Variants in BCHE observed in about 807,000 individuals in gnomAD.
BCHE encodes butyrylcholinesterase, also known as cholinesterase.
In BCHE, 48 loss-of-function variants were observed where a neutral mutation model predicts 51.3. The observed-to-expected ratio is 0.94, with a 90% CI of 0.74 to 1.19. BCHE has a LOEUF of 1.19. Ranked by LOEUF, BCHE falls within the 50% of genes most tolerant of loss-of-function variation. The pLI is 0.00. For synonymous variants in BCHE, 251 were observed against 238.0 expected, an observed-to-expected ratio of 1.05 and a Z score of -0.50; for missense variants, 847 against 708.2, an observed-to-expected ratio of 1.20 and a Z score of -2.23.
intron 2 of BCHE, among the ~76,000 whole-genome samples, chr3:165,827,483 G>A (rs1374078483): frequency 6.6e-6 from 1 of 151,462 alleles, no homozygotes; most frequent in Non-Finnish European, 1.5e-5. Context: ...ATCCTATTAA[G>A]TGTCAAAGAT....
chr3:165,829,979 T>A lies in BCHE; in HGVS notation c.1055A>T (p.Asp352Val). The A allele has an allele frequency of 6.2e-7, 1 of 1,613,834 alleles. No homozygotes were observed. The highest frequency in any genetic ancestry group is 8.5e-7 in the Non-Finnish European group (1 of 1,179,882). The change falls in exon 2 of 4, where the codon GAT becomes GTT. Residue 352 changes from aspartate to valine, a missense_variant. Coordinates refer to ENST00000264381, the MANE Select transcript of BCHE (RefSeq NM_000055.4). ...KTQILVGVNK[D>V]EGTAFLVYGA... ...ATAGACTAAAAAAGCTGTCCCTTCA[T>A]CTTTATTAACACCCACCAAAATCTG... is the stretch of plus-strand genomic sequence containing the variant.
intron 3 of BCHE, among the ~76,000 whole-genome samples, chr3:165,776,924 C>T (rs1440101828): frequency 6.6e-6 from 1 of 151,510 alleles, no homozygotes; most frequent in East Asian, 1.9e-4. Context: ...TATCCATTGA[C>T]CTCAGCTGAT....
intron 3 of BCHE, among the ~76,000 whole-genome samples, chr3:165,782,388 T>C (rs1207840316): frequency 6.6e-6 from 1 of 152,110 alleles, no homozygotes; most frequent in African/African-American, 2.4e-5. Flanking sequence ...GAGAAGGGAA[T>C]AGTCGTGGAA....
intron 2 of BCHE, among the ~76,000 whole-genome samples, chr3:165,802,483 A>G (rs1422798325): frequency 6.6e-6 from 1 of 152,158 alleles, no homozygotes; most frequent in African/African-American, 2.4e-5. Flanking sequence ...CTATTGTAGT[A>G]AACCAGAAAA....
At chr3:165,810,137 G>T (rs1257177575) in intron 2 of BCHE, among the ~76,000 whole-genome samples, 1 of 152,154 alleles carries the variant, frequency 6.6e-6, no homozygotes. Flanking sequence ...TGTAGACAAA[G>T]TAGTATGTTT....
rs751760682 is a variant in BCHE at position 165,804,162 on chromosome 3, A to G, written c.1518-17851T>C. ...CACATCAAATACTGATGATTCAGAA[A>G]TAATTAAGTGACTTCGCAACATGGA... On this transcript the variant is annotated intron_variant, in intron 2 of 3. Coordinates refer to ENST00000264381, the MANE Select transcript of BCHE (RefSeq NM_000055.4). Among the ~76,000 whole-genome samples, 42 of 152,178 alleles carry G rather than the reference A, an allele frequency of 2.8e-4. 1 individual carries two copies. The highest frequency in any genetic ancestry group is 1.9e-4 in the Non-Finnish European group (13 of 68,026).
At chr3:165,814,964 TATA>T (rs1417362176) in intron 2 of BCHE, among the ~76,000 whole-genome samples, 3 of 148,652 alleles carry the variant, frequency 2.0e-5, no homozygotes, top group South Asian at 2.1e-4. Context: ...ATTTTATATC[TATA>T]ATATTAGTGT....
rs568724445 is a variant in BCHE, at chr3:165,830,419, C to A, written c.615G>T (p.Trp205Cys). The A allele has an allele frequency of 3.9e-5, 63 of 1,613,750 alleles. No individual in the cohort carries two copies. In the African/African-American group the frequency reaches 7.5e-4, roughly 19 times the overall value. ...CAAAGGCTGCTATATTTTTTTGAAC[C>A]CACTGAAGAGCCAACTGTTGATCAA... ...GLFDQQLALQWVQKNIAAFGG... is the reference protein window; with the variant it reads ...GLFDQQLALQCVQKNIAAFGG... The change falls in exon 2 of 4, where the codon TGG becomes TGT. Residue 205 changes from tryptophan (W) to cysteine (C), a missense_variant. By Grantham distance (215) the Trp-to-Cys change is radical. Transcript: ENST00000264381.
intron 2 of BCHE, among the ~76,000 whole-genome samples, chr3:165,816,249 T>C (rs568979722): frequency 6.6e-6 from 1 of 152,090 alleles, no homozygotes; most frequent in South Asian, 2.1e-4. Context: ...TCTAACCAAG[T>C]GGTTTGCATT....
chr3:165,835,477 G>A (rs1158420465), intron 1 of BCHE, among the ~76,000 whole-genome samples: 1 of 151,454 alleles, frequency 6.6e-6, no homozygotes, highest in African/African-American at 2.4e-5. Context: ...ATTTCTACTT[G>A]GAAATAAACC....
chr3:165,819,326 T>C (rs1179603944), intron 2 of BCHE, among the ~76,000 whole-genome samples: 1 of 151,892 alleles, frequency 6.6e-6, no homozygotes. Flanking sequence ...GATCCTCCCG[T>C]TTCGGCCTCC....
At chr3:165,775,195 A>T (rs1712416148) in intron 3 of BCHE, among the ~76,000 whole-genome samples, 1 of 152,092 alleles carries the variant, frequency 6.6e-6, no homozygotes, top group South Asian at 2.1e-4. Context: ...GTACAAAAAT[A>T]AAAATATTTA....
At chr3:165,788,464 A>C (rs9881048) in intron 2 of BCHE, among the ~76,000 whole-genome samples, 114,914 of 151,886 alleles carry the variant, frequency 0.76, 43,987 homozygotes, top group Non-Finnish European at 0.8. Context: ...TCAAGGAGAA[A>C]ATTTCTCCAG....
chr3:165,825,198 T>C (rs1249639233), intron 2 of BCHE, among the ~76,000 whole-genome samples: 3 of 152,096 alleles, frequency 2.0e-5, no homozygotes, highest in Non-Finnish European at 2.9e-5. Flanking sequence ...ATATGGTCAG[T>C]TGATTTTCAA....
In BCHE at chr3:165,829,747, A is replaced by C; in HGVS notation, c.1287T>G (p.Pro429=). ...AGAACTTCTTGGTGAACTCCAAGGC[A>C]GGGCATATGAAATTATAATCCCCAA... is the stretch of plus-strand genomic sequence containing the variant. ...DVVGDYNFIC[P]ALEFTKKFSE... The change falls in exon 2 of 4, where the codon CCT becomes CCG. Residue 429 remains proline, a synonymous_variant. Coordinates refer to ENST00000264381, the MANE Select transcript of BCHE (RefSeq NM_000055.4). 1 of 1,613,938 alleles carries C rather than the reference A, an allele frequency of 6.2e-7. No homozygotes were observed. Among genetic ancestry groups the C allele is most frequent in the Non-Finnish European group, 8.5e-7 (1 of 1,179,898 alleles).
chr3:165,780,919 C>T (rs1712672426), intron 3 of BCHE, among the ~76,000 whole-genome samples: 1 of 151,950 alleles, frequency 6.6e-6, no homozygotes, highest in South Asian at 2.1e-4. Flanking sequence ...GGGTGTATAC[C>T]CAAAGGAATA....
chr3:165,835,111 G>T (rs1389864251), intron 1 of BCHE, among the ~76,000 whole-genome samples: 1 of 151,728 alleles, frequency 6.6e-6, no homozygotes, highest in Non-Finnish European at 1.5e-5. Flanking sequence ...CTGAGTTTTT[G>T]TTTGGAATTA....
rs149719695 is a variant in BCHE, at chr3:165,830,502, C to T, written c.532G>A (p.Ala178Thr). The T allele has an allele frequency of 6.2e-7, 1 of 1,613,910 alleles. No individual in the cohort carries two copies. Among genetic ancestry groups the T allele is most frequent in the Non-Finnish European group, 8.5e-7 (1 of 1,179,924 alleles). ...CCTGGCAAAGCTAAGAATCCTAGGG[C>T]ACCCACCCTATAGTTCATTGACACT... The part of the protein sequence containing the change: ...IVVSMNYRVG[A>T]LGFLALPGNP... Residue 178 changes from alanine (A) to threonine (T), a missense_variant, in exon 2 of 4, where the codon GCC becomes ACC. By Grantham distance (58) the Ala-to-Thr change is moderately conservative (BLOSUM62 0). Transcript: ENST00000264381.
In BCHE at chr3:165,780,803, G is replaced by A. The variant is rs573306203; in HGVS notation, c.1684+5342C>T. 1.7e-4 allele frequency among the ~76,000 whole-genome samples: 26 copies of A among 152,192 alleles called. 1 individual carries two copies. In the East Asian group the frequency reaches 1.9e-3, roughly 11 times the overall value. On this transcript the variant is annotated intron_variant, in intron 3 of 3. Coordinates refer to ENST00000264381, the MANE Select transcript of BCHE (RefSeq NM_000055.4). ...TGTGGAGAAATAGGAATCCTTTTAC[G>A]CTATTGGTGGGAATATAAATTAGTT...
Sources: allele counts gnomAD v4.1 joint callset (sites outside exome capture counted in the v4.1 genomes callset), GRCh38; gene constraint gnomAD v4.1.1; transcripts MANE v1.5; gene names NCBI Gene and HGNC (gene_info 2026-07-23, HGNC 2026-07-21).